PTPRT: variants seen among roughly 807,000 people sequenced by gnomAD.
PTPRT encodes the protein protein tyrosine phosphatase receptor type T, also known as receptor-type tyrosine-protein phosphatase T.
PTPRT carries 56 observed loss-of-function variants against 176.8 expected under a neutral mutation model. The ratio of observed to expected loss-of-function variants is 0.32; its 90% CI spans 0.26 to 0.40. PTPRT has a LOEUF of 0.40. Ranked by LOEUF, PTPRT falls within the 10% of genes least tolerant of loss-of-function variation. The pLI is 1.00. For synonymous variants in PTPRT, 783 were observed against 739.0 expected (o/e 1.06, Z -0.96); for missense variants, 1,540 against 1,908.2 (o/e 0.81, Z 3.60).
chr20:42,226,012 G>C (rs1054809769), intron 15 of PTPRT, among the ~76,000 whole-genome samples: 10 of 152,136 alleles, frequency 6.6e-5, no homozygotes, highest in Non-Finnish European at 2.9e-5. Context: ...AACTTTACTG[G>C]GCCCGTTAAC....
chr20:42,739,051 C>T (rs536937274), intron 6 of PTPRT, among the ~76,000 whole-genome samples: 1 of 152,252 alleles, frequency 6.6e-6, no homozygotes, highest in Admixed American at 6.5e-5. Context: ...CAGAGTGAGA[C>T]CCTGTCTCAA....
chr20:42,064,558 A>G, the PTPRT span, among the ~76,000 whole-genome samples: 1 of 152,208 alleles, frequency 6.6e-6, no homozygotes, highest in African/African-American at 2.4e-5. Flanking sequence ...TACTATACTA[A>G]TGAATGAATT....
At chr20:42,799,865 C>T (rs1283329913) in intron 2 of PTPRT, among the ~76,000 whole-genome samples, 1 of 152,174 alleles carries the variant, frequency 6.6e-6, no homozygotes, top group Non-Finnish European at 1.5e-5. Context: ...CAAGACTTTA[C>T]AGCGACTTTA....
At chr20:43,091,215 G>A (rs768596925) in intron 1 of PTPRT, among the ~76,000 whole-genome samples, 10 of 151,912 alleles carry the variant, frequency 6.6e-5, no homozygotes, top group Non-Finnish European at 1.5e-4. Flanking sequence ...CCTGGGCGAC[G>A]GAGATTCCAT....
chr20:43,007,257 G>T (rs1213918581), intron 1 of PTPRT, among the ~76,000 whole-genome samples: 1 of 152,168 alleles, frequency 6.6e-6, no homozygotes, highest in African/African-American at 2.4e-5. Context: ...GGAAACAGCT[G>T]AACCTCAGGA....
intron 9 of PTPRT, among the ~76,000 whole-genome samples, chr20:42,440,633 A>G (rs2059305882): frequency 6.6e-6 from 1 of 151,938 alleles, no homozygotes; most frequent in Non-Finnish European, 1.5e-5. Flanking sequence ...GCCCGCCACC[A>G]CACCCAGCTA....
the PTPRT span, among the ~76,000 whole-genome samples, chr20:42,067,187 A>G: frequency 6.6e-6 from 1 of 152,060 alleles, no homozygotes; most frequent in Non-Finnish European, 1.5e-5. Flanking sequence ...ATGTGCTGTT[A>G]TTTTTCTTTA....
At chr20:42,984,230 A>G (rs1162032067) in intron 1 of PTPRT, among the ~76,000 whole-genome samples, 1 of 152,218 alleles carries the variant, frequency 6.6e-6, no homozygotes, top group African/African-American at 2.4e-5. Context: ...ACATACATGC[A>G]CCCTTCCTCA....
chr20:42,315,783 A>C lies in PTPRT; in HGVS notation c.2079T>G (p.Pro693=). ...TGTAGCTTTTCAGGGGAGAGAGAGG[A>C]GGGTTCCAGTAGCCATTGTATGTCT... is the stretch of plus-strand genomic sequence containing the variant. The part of the protein sequence containing the change: ...DNKTYNGYWN[P]PLSPLKSYSI... The change falls in exon 12 of 31, where the codon CCT becomes CCG. Residue 693 remains proline, a synonymous_variant. Coordinates refer to ENST00000373187, the MANE Select transcript of PTPRT (RefSeq NM_007050.6). The C allele has an allele frequency of 6.2e-7, 1 of 1,614,086 alleles. No homozygotes were observed. Among genetic ancestry groups the C allele is most frequent in the Non-Finnish European group, 8.5e-7 (1 of 1,179,956 alleles).
chr20:42,152,944 G>T (rs1397208994), intron 17 of PTPRT, among the ~76,000 whole-genome samples: 1 of 151,950 alleles, frequency 6.6e-6, no homozygotes, highest in South Asian at 2.1e-4. Context: ...AAAAAAAATT[G>T]GCTGCAGCAT....
intron 1 of PTPRT, among the ~76,000 whole-genome samples, chr20:42,932,507 G>A (rs976284430): frequency 6.6e-6 from 1 of 152,216 alleles, no homozygotes; most frequent in Non-Finnish European, 1.5e-5. Flanking sequence ...CAAGGTGGAG[G>A]GGTGGTGGTA....
At chr20:43,091,918 G>A (rs965017775) in intron 1 of PTPRT, among the ~76,000 whole-genome samples, 2 of 152,198 alleles carry the variant, frequency 1.3e-5, no homozygotes, top group African/African-American at 4.8e-5. Flanking sequence ...TGTACAATAA[G>A]GTCACAGGCC....
At chr20:42,336,968 A>G (rs2058049296) in intron 11 of PTPRT, among the ~76,000 whole-genome samples, 1 of 152,200 alleles carries the variant, frequency 6.6e-6, no homozygotes, top group East Asian at 1.9e-4. Context: ...TGTGGCCTCC[A>G]GAGTCCTTAA....
chr20:42,829,267 G>T (rs112916567), intron 2 of PTPRT, among the ~76,000 whole-genome samples: 1 of 152,220 alleles, frequency 6.6e-6, no homozygotes, highest in African/African-American at 2.4e-5. Flanking sequence ...TTTGGAATGG[G>T]TGTATTTACC....
At chr20:43,047,927 C>T (rs1170542941) in intron 1 of PTPRT, among the ~76,000 whole-genome samples, 1 of 152,192 alleles carries the variant, frequency 6.6e-6, no homozygotes, top group East Asian at 1.9e-4. Context: ...ACTCTCTCAT[C>T]ACCACCATGA....
chr20:42,033,964 C>T, the PTPRT span, among the ~76,000 whole-genome samples: 3 of 152,164 alleles, frequency 2.0e-5, no homozygotes, highest in Non-Finnish European at 4.4e-5. Context: ...AGTACTAATC[C>T]ATAACAGATA....
intron 7 of PTPRT, among the ~76,000 whole-genome samples, chr20:42,498,335 C>A (rs1017449906): frequency 2.0e-5 from 3 of 152,126 alleles, no homozygotes; most frequent in African/African-American, 7.2e-5. Context: ...TCTCATTACA[C>A]CCTCTTCCCT....
intron 13 of PTPRT, among the ~76,000 whole-genome samples, chr20:42,281,589 A>G (rs995077338): frequency 6.6e-6 from 1 of 152,044 alleles, no homozygotes; most frequent in South Asian, 2.1e-4. Flanking sequence ...ATATATTTAC[A>G]CACATACACA....
intron 1 of PTPRT, among the ~76,000 whole-genome samples, chr20:42,945,644 G>C (rs112306618): frequency 0.015 from 2,344 of 152,332 alleles, 25 homozygotes; most frequent in Non-Finnish European, 0.025. Flanking sequence ...ACTGCCCCTT[G>C]TGCTGGACCC....
Sources: allele counts gnomAD v4.1 joint callset (sites outside exome capture counted in the v4.1 genomes callset), GRCh38; gene constraint gnomAD v4.1.1; transcripts MANE v1.5; gene names NCBI Gene and HGNC (gene_info 2026-07-23, HGNC 2026-07-21).